IL4I1: variants seen among roughly 807,000 people sequenced by gnomAD.
IL4I1 encodes interleukin 4 induced 1, also known as L-amino-acid oxidase.
A neutral mutation model predicts 29.7 loss-of-function variants in IL4I1; 24 were observed. The ratio of observed to expected loss-of-function variants is 0.81; its 90% confidence interval spans 0.59 to 1.14. The LOEUF (loss-of-function observed/expected upper bound fraction) is 1.14. Ranked by LOEUF, IL4I1 falls within the 50% of genes most tolerant of loss-of-function variation. The pLI, the probability that IL4I1 is intolerant of heterozygous loss-of-function variation, is 0.00. For synonymous variants in IL4I1, 371 were observed against 352.5 expected, an observed-to-expected ratio of 1.05 and a Z score of -0.59; for missense variants, 686 against 785.6, an observed-to-expected ratio of 0.87 and a Z score of 1.52.
intron 7 of IL4I1, 36 bp downstream of exon 7, chr19:49,890,935 C>T (rs748465354): frequency 4.6e-6 from 2 of 436,510 alleles, no homozygotes; most frequent in South Asian, 3.3e-5. Flanking sequence ...GATTGCCCCC[C>T]GCCCCCCCCC....
At chr19:49,906,335 G>A (rs891314539) in intron 2 of IL4I1, among the ~76,000 whole-genome samples, 2 of 152,108 alleles carry the variant, frequency 1.3e-5, no homozygotes, top group African/African-American at 2.4e-5. Flanking sequence ...CAGCCTCCCA[G>A]GTAGCTGGGA....
Position 49,895,869 on chromosome 19 carries a change from G to A in IL4I1, c.198C>T (p.Gly66=), listed in dbSNP as rs138779872. 2.3e-5 allele frequency: 37 copies of A among 1,614,154 alleles called. 1 individual carries two copies. The highest frequency in any genetic ancestry group is 1.7e-4 in the African/African-American group (13 of 75,054). The change falls in exon 3 of 8, where the codon GGC becomes GGT. Residue 66 remains glycine (G), a synonymous_variant. Transcript: ENST00000391826. Reference sequence around the variant, plus strand: ...CGGCCACCAGCCCGGCCACACCAGCGCCAACCACAATCACCCTCTGGGGCT... The same window carrying A: ...CGGCCACCAGCCCGGCCACACCAGCACCAACCACAATCACCCTCTGGGGCT... The part of the protein sequence containing the change: ...TLKPQRVIVV[G]AGVAGLVAAK...
chr19:49,917,367 A>C (rs1450943449), intron 2 of IL4I1, among the ~76,000 whole-genome samples: 1 of 152,210 alleles, frequency 6.6e-6, no homozygotes, highest in Admixed American at 6.5e-5. Flanking sequence ...CTGCTTCTTA[A>C]CCGTCTCCTG....
chr19:49,925,694 A>C (rs1392958644), intron 2 of IL4I1, among the ~76,000 whole-genome samples: 1 of 152,222 alleles, frequency 6.6e-6, no homozygotes, highest in Admixed American at 6.5e-5. Flanking sequence ...AAGGGCATTA[A>C]GTAACAACTA....
At chr19:49,901,519 G>A (rs749838764), upstream of IL4I1, 13 of 564,762 alleles carry the variant, frequency 2.3e-5, no homozygotes, top group Admixed American at 4.2e-5. Context: ...CTCAGGGATC[G>A]GAGGACAGAA....
intron 2 of IL4I1, among the ~76,000 whole-genome samples, chr19:49,915,974 G>A (rs902203288): frequency 2.5e-4 from 38 of 152,328 alleles, no homozygotes; most frequent in Middle Eastern, 3.4e-3. Flanking sequence ...TGCTGTATTC[G>A]CAGCACCTGC....
chr19:49,894,110 G>C (rs1357886633), intron 5 of IL4I1, among the ~76,000 whole-genome samples, 158 bp downstream of exon 5: 1 of 151,992 alleles, frequency 6.6e-6, no homozygotes, highest in Non-Finnish European at 1.5e-5. Context: ...AGACCTCATG[G>C]CACACATCCC....
At position 49,928,703 on chromosome 19, in the gene IL4I1, T is replaced by C. The variant is rs578074948; in HGVS notation, c.-350+623A>G. The C allele has an allele frequency of 5.3e-5, 8 of 152,230 alleles. No individual in the cohort carries two copies. In the East Asian group the frequency reaches 1.5e-3, roughly 29 times the overall value. The allele number at this position is 152,230 out of a possible 1,614,324, so 9.4% of individuals were successfully genotyped here. ...CCGAGGCCATCCTGGCAGGTCTGTA[T>C]TTGGGAGAGTGCTGTGACTCATGCT... is the stretch of plus-strand genomic sequence containing the variant. On this transcript the variant is annotated intron_variant, in intron 1 of 9. Coordinates refer to the IL4I1 transcript ENST00000341114.
rs961804019 is a variant in IL4I1, at chr19:49,895,944, G to A, written c.123C>T (p.Asp41=). ...DPFEKCMQDP[D]YEQLLKVVTW... ...TCACCACCTTGAGCAGCTGCTCATAGTCAGGATCCTGCATGCATTTCTCGA... is the reference window on the plus strand; with the variant it reads ...TCACCACCTTGAGCAGCTGCTCATAATCAGGATCCTGCATGCATTTCTCGA... The change falls in exon 3 of 8, where the codon GAC becomes GAT. Residue 41 remains aspartate, a synonymous_variant. Coordinates refer to ENST00000391826, the MANE Select transcript of IL4I1 (RefSeq NM_152899.2). 1 of 1,614,220 alleles carries A rather than the reference G, an allele frequency of 6.2e-7. No homozygotes were observed. The highest frequency in any genetic ancestry group is 1.3e-5 in the African/African-American group (1 of 75,062).
intron 6 of IL4I1, 146 bp downstream of exon 6, chr19:49,891,259 G>A (rs910366893): frequency 1.4e-6 from 2 of 1,410,792 alleles, no homozygotes; most frequent in African/African-American, 2.8e-5. Flanking sequence ...CGGAGGTCCA[G>A]ACAGGGGGCG....
chr19:49,907,385 T>C, intron 2 of IL4I1: 1 of 363,456 alleles, frequency 2.8e-6, no homozygotes. Flanking sequence ...ACCCTGTGTG[T>C]GCAGGCCCCT....
At chr19:49,898,729 C>T (rs370943714), upstream of IL4I1, among the ~76,000 whole-genome samples, 4 of 152,076 alleles carry the variant, frequency 2.6e-5, no homozygotes, top group Admixed American at 6.6e-5. Context: ...ATTAGCCAGG[C>T]GTGGTGGTGC....
At chr19:49,909,695 C>T (rs1208191177) in intron 2 of IL4I1, 1 of 1,613,986 alleles carries the variant, frequency 6.2e-7, no homozygotes, top group Non-Finnish European at 8.5e-7. Flanking sequence ...CCCTCCAGTG[C>T]CAGAGGTGGA....
chr19:49,894,613 A>G (rs1281766457), intron 4 of IL4I1, 144 bp from the exon 5 acceptor site: 3 of 636,954 alleles, frequency 4.7e-6, no homozygotes, highest in African/African-American at 1.8e-5. Context: ...GGGGTAATCA[A>G]TGCTGGGGGA....
intron 2 of IL4I1, among the ~76,000 whole-genome samples, chr19:49,922,617 G>A (rs2075792074): frequency 6.6e-6 from 1 of 151,918 alleles, no homozygotes; most frequent in Non-Finnish European, 1.5e-5. Flanking sequence ...GTCACAGAGG[G>A]CCAGCAGCCT....
chr19:49,901,864 G>A, upstream of IL4I1: 1 of 506,188 alleles, frequency 2.0e-6, no homozygotes, highest in Admixed American at 3.9e-5. Flanking sequence ...GTTTTATTAT[G>A]GAAACTTTCA....
intron 2 of IL4I1, chr19:49,918,729 T>G (rs936776312): frequency 6.6e-6 from 1 of 152,146 alleles, no homozygotes; most frequent in Non-Finnish European, 1.5e-5. Flanking sequence ...CACTGGAACT[T>G]TTACTGCATG....
chr19:49,899,697 C>G (rs529904983), upstream of IL4I1, among the ~76,000 whole-genome samples: 3 of 152,268 alleles, frequency 2.0e-5, no homozygotes, highest in South Asian at 6.2e-4. Flanking sequence ...GCTGGGACTA[C>G]AGGCACCTGC....
chr19:49,917,243 C>CCTCCA (rs555094928), intron 2 of IL4I1, among the ~76,000 whole-genome samples: 61 of 152,348 alleles, frequency 4.0e-4, no homozygotes, highest in African/African-American at 1.2e-3. Flanking sequence ...CAGACGCCGT[C>CCTCCA]CTCCAACACT....
Sources: allele counts gnomAD v4.1 joint callset (sites outside exome capture counted in the v4.1 genomes callset), GRCh38; gene constraint gnomAD v4.1.1; transcripts MANE v1.5; gene names NCBI Gene and HGNC (gene_info 2026-07-23, HGNC 2026-07-21).